The following DOCK4 variants were observed in gnomAD, a reference collection of about 807,000 sequenced individuals.
DOCK4 encodes dedicator of cytokinesis protein 4.
A neutral mutation model predicts 268.1 loss-of-function variants in DOCK4; 97 were observed. The ratio of observed to expected loss-of-function variants is 0.36; its 90% confidence interval spans 0.31 to 0.43. The LOEUF is 0.43. DOCK4 is among the 20% of genes least tolerant of loss of function. The pLI is 1.00. For missense variants in DOCK4, 2,145 were observed against 2,455.7 expected, an observed-to-expected ratio of 0.87 and a Z score of 2.67; for synonymous variants, 954 against 887.2, an observed-to-expected ratio of 1.08 and a Z score of -1.34.
At chr7:111,758,824 T>C (rs1352981750) in intron 40 of DOCK4, 34 bp from the exon 41 acceptor site, 2 of 1,607,974 alleles carry the variant, frequency 1.2e-6, no homozygotes, top group Non-Finnish European at 1.7e-6. Flanking sequence ...GAACCTGACT[T>C]GGCAAACTCC....
At chr7:112,188,235 C>T (rs1819633649) in intron 1 of DOCK4, among the ~76,000 whole-genome samples, 3 of 152,332 alleles carry the variant, frequency 2.0e-5, no homozygotes, top group Admixed American at 2.0e-4. Flanking sequence ...GTTACTTGAA[C>T]ACAAACCAAA....
chr7:112,105,753 A>G (rs1418246641), intron 1 of DOCK4, among the ~76,000 whole-genome samples: 2 of 149,654 alleles, frequency 1.3e-5, no homozygotes, highest in African/African-American at 5.0e-5. Flanking sequence ...CAGTGATGCA[A>G]TTACAGCTCA....
chr7:111,865,422 C>T (rs945393677), intron 22 of DOCK4, among the ~76,000 whole-genome samples: 2 of 152,228 alleles, frequency 1.3e-5, no homozygotes, highest in Non-Finnish European at 2.9e-5. Context: ...ACAGGGTTTG[C>T]CCTGAGTTGT....
intron 6 of DOCK4, 63 bp downstream of exon 6, chr7:111,988,952 A>C: frequency 6.5e-7 from 1 of 1,542,286 alleles, no homozygotes; most frequent in Non-Finnish European, 8.8e-7. Context: ...GTTCTGGCTC[A>C]GGCCTATGTC....
At chr7:112,122,004 C>T (rs1206644509) in intron 1 of DOCK4, among the ~76,000 whole-genome samples, 1 of 152,140 alleles carries the variant, frequency 6.6e-6, no homozygotes, top group Non-Finnish European at 1.5e-5. Context: ...TAAAAAAATG[C>T]TGCAAACAAT....
chr7:112,156,294 C>T (rs1257342168), intron 1 of DOCK4, among the ~76,000 whole-genome samples: 1 of 152,200 alleles, frequency 6.6e-6, no homozygotes, highest in Non-Finnish European at 1.5e-5. Flanking sequence ...AAAAGAACTA[C>T]ATATTTAGAA....
At chr7:111,988,115 G>C (rs1283661376) in intron 6 of DOCK4, among the ~76,000 whole-genome samples, 6 of 152,114 alleles carry the variant, frequency 3.9e-5, no homozygotes, top group Admixed American at 3.9e-4. Context: ...ATTTACCCAT[G>C]GTTCACTTCC....
chr7:111,786,385 A>G lies in DOCK4; in HGVS notation c.3402-2262T>C, dbSNP rs539048449. On this transcript the variant is annotated intron_variant, in intron 32 of 52. Transcript: ENST00000428084. Reference sequence around the variant, plus strand: ...GAGCGAATCAGGTGGAGCCAGGGGAAGCAGAATTTAGTTGTGATACTCTAT... The same window carrying G: ...GAGCGAATCAGGTGGAGCCAGGGGAGGCAGAATTTAGTTGTGATACTCTAT... Among the ~76,000 whole-genome samples, 5 of 152,304 alleles carry G rather than the reference A, an allele frequency of 3.3e-5. No individual in the cohort carries two copies. In the East Asian group the frequency reaches 9.7e-4, roughly 29 times the overall value.
chr7:111,973,293 C>T (rs1209411508), intron 8 of DOCK4, among the ~76,000 whole-genome samples: 4 of 151,126 alleles, frequency 2.6e-5, no homozygotes, highest in Non-Finnish European at 5.9e-5. Context: ...GTATCTTTTT[C>T]GTATACTGAC....
intron 25 of DOCK4, among the ~76,000 whole-genome samples, chr7:111,839,681 A>G (rs1470233195): frequency 6.6e-6 from 1 of 152,120 alleles, no homozygotes; most frequent in Non-Finnish European, 1.5e-5. Flanking sequence ...TCTACTCTAC[A>G]ATGTCATTTA....
intron 1 of DOCK4, among the ~76,000 whole-genome samples, chr7:112,077,565 C>T (rs770933770): frequency 1.6e-4 from 24 of 152,070 alleles, no homozygotes; most frequent in East Asian, 1.2e-3. Context: ...ATCATTCATA[C>T]GCATTCCAAA....
intron 7 of DOCK4, among the ~76,000 whole-genome samples, chr7:111,983,958 T>G (rs1259100468): frequency 2.0e-5 from 3 of 151,788 alleles, no homozygotes; most frequent in Non-Finnish European, 4.4e-5. Flanking sequence ...AAACACCCAT[T>G]AGTTACAGCA....
chr7:112,167,134 T>C (rs1363049689), intron 1 of DOCK4, among the ~76,000 whole-genome samples: 4 of 152,226 alleles, frequency 2.6e-5, no homozygotes, highest in Non-Finnish European at 4.4e-5. Flanking sequence ...GCTGGACCAA[T>C]GTCCCAGCAT....
chr7:111,838,672 T>C (rs1803430955), intron 25 of DOCK4, among the ~76,000 whole-genome samples: 1 of 152,122 alleles, frequency 6.6e-6, no homozygotes, highest in Non-Finnish European at 1.5e-5. Context: ...GATAAGTTAC[T>C]ACAAAAAGCA....
Position 111,736,973 on chromosome 7 carries a change from T to C in DOCK4, c.5249A>G (p.His1750Arg). 6.2e-7 allele frequency: 1 copy of C among 1,604,474 alleles called. No individual in the cohort carries two copies. The change falls in exon 50 of 53, where the codon CAT becomes CGT. Residue 1750 changes from histidine to arginine, a missense_variant. Physicochemically the swap from His to Arg is conservative, Grantham distance 29. Transcript: ENST00000428084. ...VEPSQRMLFN[H>R]IGDGALPRSD... ...GCGTGGCAAGGCCCCGTCTCCAATA[T>C]GATTAAACAGCATCCTCTGCAAAGT...
At chr7:111,935,134 G>T (rs1794624303) in intron 12 of DOCK4, among the ~76,000 whole-genome samples, 1 of 151,856 alleles carries the variant, frequency 6.6e-6, no homozygotes, top group African/African-American at 2.4e-5. Flanking sequence ...TTTTAGTAGA[G>T]ACGGGGTTTC....
intron 7 of DOCK4, among the ~76,000 whole-genome samples, chr7:111,980,529 A>T (rs1465304716): frequency 6.6e-6 from 1 of 152,246 alleles, no homozygotes; most frequent in South Asian, 2.1e-4. Flanking sequence ...ATCTTCAAAT[A>T]ATGCATTAAT....
At chr7:112,169,404 A>G (rs1817882969) in intron 1 of DOCK4, among the ~76,000 whole-genome samples, 1 of 152,232 alleles carries the variant, frequency 6.6e-6, no homozygotes, top group African/African-American at 2.4e-5. Flanking sequence ...TTGAAAAATG[A>G]AACTTTAAAC....
At chr7:112,033,729 A>G (rs1803485813) in intron 1 of DOCK4, among the ~76,000 whole-genome samples, 1 of 152,070 alleles carries the variant, frequency 6.6e-6, no homozygotes, top group Non-Finnish European at 1.5e-5. Flanking sequence ...CAACATTCAC[A>G]CTCATTGCCC....
Sources: gnomAD v4.1 joint callset for allele counts (sites outside exome capture counted in the v4.1 genomes callset) on GRCh38, gnomAD v4.1.1 for gene constraint, MANE v1.5 for transcripts, NCBI Gene and HGNC (gene_info 2026-07-23, HGNC 2026-07-21) for gene names.